Variants in PPP3CA observed in about 807,000 individuals in gnomAD.
The protein encoded by PPP3CA is protein phosphatase 3 catalytic subunit alpha, also known as CAM-PRP catalytic subunit.
A neutral mutation model predicts 66.5 loss-of-function variants in PPP3CA; 14 were observed. The observed-to-expected ratio is 0.21, with a 90% CI of 0.14 to 0.33. The LOEUF (loss-of-function observed/expected upper bound fraction) is 0.33, where lower values mean the gene tolerates loss of function less well. Among genes scored for constraint, PPP3CA ranks in the 10% least tolerant of loss-of-function variants. The probability of loss-of-function intolerance (pLI) is 1.00; values close to 1 mark genes in which losing one functional copy is unlikely to be tolerated. For synonymous variants in PPP3CA, 232 were observed against 226.2 expected, an observed-to-expected ratio of 1.03 and a Z score of -0.23; for missense variants, 317 against 639.5, an observed-to-expected ratio of 0.50 and a Z score of 5.44.
At chr4:101,281,758 A>G (rs1286872613) in intron 1 of PPP3CA, among the ~76,000 whole-genome samples, 1 of 152,212 alleles carries the variant, frequency 6.6e-6, no homozygotes, top group Non-Finnish European at 1.5e-5. Flanking sequence ...TAAGAAAACA[A>G]ACTAGGTTCT....
At chr4:101,106,814 C>CTT (rs2110261811) in intron 3 of PPP3CA, among the ~76,000 whole-genome samples, 1 of 152,260 alleles carries the variant, frequency 6.6e-6, no homozygotes, top group East Asian at 1.9e-4. Flanking sequence ...ACTAGTTTGT[C>CTT]TGTGGAATGA....
At chr4:101,223,058 A>T (rs1467358615) in intron 1 of PPP3CA, among the ~76,000 whole-genome samples, 1 of 151,768 alleles carries the variant, frequency 6.6e-6, no homozygotes, top group Non-Finnish European at 1.5e-5. Context: ...ACTTAGGTCT[A>T]TTTGCCCAAG....
intron 2 of PPP3CA, among the ~76,000 whole-genome samples, chr4:101,182,936 C>T (rs2110176938): frequency 6.6e-6 from 1 of 152,208 alleles, no homozygotes; most frequent in East Asian, 1.9e-4. Flanking sequence ...CCTTGCTTTC[C>T]ACCACGATTG....
At chr4:101,027,981 C>G (rs1296500416) in intron 13 of PPP3CA, among the ~76,000 whole-genome samples, 1 of 152,162 alleles carries the variant, frequency 6.6e-6, no homozygotes, top group Non-Finnish European at 1.5e-5. Context: ...CAAGAATGCA[C>G]ACTGCAGATT....
chr4:101,040,151 A>G (rs1298598816), intron 11 of PPP3CA, among the ~76,000 whole-genome samples: 1 of 152,214 alleles, frequency 6.6e-6, no homozygotes, highest in Non-Finnish European at 1.5e-5. Context: ...ACGAAAAACA[A>G]AACAAAAAAA....
intron 1 of PPP3CA, among the ~76,000 whole-genome samples, chr4:101,247,930 A>C (rs961384965): frequency 6.6e-6 from 1 of 152,202 alleles, no homozygotes; most frequent in Non-Finnish European, 1.5e-5. Context: ...AACTCTATAT[A>C]TGTGTGTATA....
intron 2 of PPP3CA, among the ~76,000 whole-genome samples, chr4:101,121,767 A>G (rs1722038766): frequency 6.6e-6 from 1 of 152,210 alleles, no homozygotes; most frequent in African/African-American, 2.4e-5. Flanking sequence ...TAGTTACAGT[A>G]TACAAATACA....
At chr4:101,264,618 G>C (rs1434547485) in intron 1 of PPP3CA, among the ~76,000 whole-genome samples, 1 of 152,270 alleles carries the variant, frequency 6.6e-6, no homozygotes, top group Admixed American at 6.5e-5. Flanking sequence ...AGTTTGTTGT[G>C]CAGATCTTTG....
chr4:101,107,382 A>G (rs1730800013), intron 3 of PPP3CA, among the ~76,000 whole-genome samples: 1 of 152,208 alleles, frequency 6.6e-6, no homozygotes, highest in African/African-American at 2.4e-5. Context: ...GTTTCTAGAG[A>G]GCAAGAATGT....
chr4:101,302,253 T>C (rs1448752656), intron 1 of PPP3CA, among the ~76,000 whole-genome samples: 2 of 152,208 alleles, frequency 1.3e-5, no homozygotes, highest in Non-Finnish European at 2.9e-5. Flanking sequence ...GCCAGCTGTG[T>C]AACCAGGGAC....
chr4:101,162,013 G>A (rs530650104), intron 2 of PPP3CA, among the ~76,000 whole-genome samples: 1 of 152,190 alleles, frequency 6.6e-6, no homozygotes, highest in Non-Finnish European at 1.5e-5. Context: ...GCCGAGGCTG[G>A]CGGATCACCT....
chr4:101,292,466 T>C (rs902354608), intron 1 of PPP3CA, among the ~76,000 whole-genome samples: 2 of 152,216 alleles, frequency 1.3e-5, no homozygotes, highest in Non-Finnish European at 2.9e-5. Context: ...CCACATGGCC[T>C]CTAAATCAGC....
chr4:101,340,296 T>C (rs1368684853), intron 1 of PPP3CA, among the ~76,000 whole-genome samples: 1 of 152,074 alleles, frequency 6.6e-6, no homozygotes, highest in African/African-American at 2.4e-5. Flanking sequence ...AAAGCATGGA[T>C]AAGGAAAACA....
At chr4:101,272,946 A>G (rs1237432395) in intron 1 of PPP3CA, among the ~76,000 whole-genome samples, 2 of 152,206 alleles carry the variant, frequency 1.3e-5, no homozygotes, top group Admixed American at 6.5e-5. Context: ...AAAGCTAACA[A>G]CTAAAGCAGG....
chr4:101,132,407 A>G (rs1329364181), intron 2 of PPP3CA, among the ~76,000 whole-genome samples: 1 of 152,208 alleles, frequency 6.6e-6, no homozygotes, highest in Non-Finnish European at 1.5e-5. Context: ...CTAAAAAATG[A>G]TAAAGGGGTG....
rs1726489321 is a variant in PPP3CA at position 101,023,727 on chromosome 4, G to A, written c.*2138C>T. ...GATAGTCTTTGCCAGACTGTATCGAGAACATCTTTGTTTGGGTATGCTATA... is the reference window on the plus strand; with the variant it reads ...GATAGTCTTTGCCAGACTGTATCGAAAACATCTTTGTTTGGGTATGCTATA... On this transcript the variant is annotated 3_prime_UTR_variant, in exon 14 of 14. Coordinates refer to ENST00000394854, the MANE Select transcript of PPP3CA (RefSeq NM_000944.5). The A allele has an allele frequency of 6.6e-6, 1 of 152,552 alleles. No homozygotes were observed. Among genetic ancestry groups the A allele is most frequent in the Admixed American group, 6.5e-5 (1 of 15,278 alleles). 9.4% of individuals were successfully genotyped at this position (152,552 alleles called of 1,614,324 possible).
At chr4:101,207,897 G>A (rs1286001006) in intron 1 of PPP3CA, among the ~76,000 whole-genome samples, 2 of 151,940 alleles carry the variant, frequency 1.3e-5, no homozygotes, top group East Asian at 1.9e-4. Flanking sequence ...ATATATAATG[G>A]CAAGCAGAAT....
At chr4:101,343,993 A>G (rs926927918) in intron 1 of PPP3CA, among the ~76,000 whole-genome samples, 4 of 152,136 alleles carry the variant, frequency 2.6e-5, no homozygotes, top group Non-Finnish European at 5.9e-5. Context: ...AACAATCTGA[A>G]TATTTATTTT....
intron 1 of PPP3CA, among the ~76,000 whole-genome samples, chr4:101,238,704 C>T (rs1419402194): frequency 6.6e-6 from 1 of 151,946 alleles, no homozygotes; most frequent in East Asian, 1.9e-4. Context: ...TTATCTCAGG[C>T]CACAAGCTAG....
Sources: allele counts gnomAD v4.1 joint callset (sites outside exome capture counted in the v4.1 genomes callset), GRCh38; gene constraint gnomAD v4.1.1; transcripts MANE v1.5; gene names NCBI Gene and HGNC (gene_info 2026-07-23, HGNC 2026-07-21).